THSD7A: variants seen among roughly 807,000 people sequenced by gnomAD.
THSD7A encodes the protein thrombospondin type-1 domain-containing protein 7A.
In THSD7A, 96 loss-of-function variants were observed where a neutral mutation model predicts 231.3. That is an observed-to-expected ratio of 0.41 (90% CI 0.35 to 0.49). The LOEUF (loss-of-function observed/expected upper bound fraction) is 0.49. THSD7A is among the 20% of genes least tolerant of loss of function. The pLI, the probability that THSD7A is intolerant of heterozygous loss-of-function variation, is 0.05. For missense variants in THSD7A, 2,290 were observed against 2,070.2 expected (o/e 1.11, Z -2.06); for synonymous variants, 940 against 743.3 (o/e 1.26, Z -4.30).
rs188407996 is a variant in THSD7A, at chr7:11,822,661, C to T, written c.190+9096G>A. ...TAGAGGTTGTAATAATTTACATTCCCACCAATCATGTAGTGGATATTGAGC... is the reference window on the plus strand; with the variant it reads ...TAGAGGTTGTAATAATTTACATTCCTACCAATCATGTAGTGGATATTGAGC... On this transcript the variant is annotated intron_variant, in intron 1 of 27. Coordinates refer to ENST00000423059, the MANE Select transcript of THSD7A (RefSeq NM_015204.3). 4.1e-3 allele frequency among the ~76,000 whole-genome samples: 622 copies of T among 152,074 alleles called. 3 individuals carry two copies. The highest frequency in any genetic ancestry group is 0.014 in the African/African-American group (589 of 41,498).
intron 2 of THSD7A, among the ~76,000 whole-genome samples, chr7:11,626,081 T>C (rs1205772093): frequency 6.6e-6 from 1 of 152,138 alleles, no homozygotes; most frequent in African/African-American, 2.4e-5. Flanking sequence ...GATTAGGCAG[T>C]GACATATATT....
At chr7:11,448,774 C>G (rs1191551688) in intron 11 of THSD7A, among the ~76,000 whole-genome samples, 1 of 152,060 alleles carries the variant, frequency 6.6e-6, no homozygotes, top group East Asian at 1.9e-4. Context: ...ACATAAAAGG[C>G]CCTTCTAAAT....
At chr7:11,714,109 A>T (rs1781054464) in intron 1 of THSD7A, among the ~76,000 whole-genome samples, 1 of 151,262 alleles carries the variant, frequency 6.6e-6, no homozygotes, top group Non-Finnish European at 1.5e-5. Flanking sequence ...AAATGTTTGC[A>T]GGAAAACGAT....
chr7:11,397,055 G>C (rs547805824), intron 23 of THSD7A, among the ~76,000 whole-genome samples: 2 of 152,314 alleles, frequency 1.3e-5, no homozygotes, highest in East Asian at 3.9e-4. Context: ...AATAGATGCA[G>C]AAGAGGCCTT....
intron 11 of THSD7A, among the ~76,000 whole-genome samples, chr7:11,455,127 C>G (rs1410240490): frequency 1.3e-5 from 2 of 151,978 alleles, no homozygotes; most frequent in African/African-American, 4.8e-5. Context: ...CTTGCTTTCT[C>G]TCTCTGCCTT....
chr7:11,623,882 T>A (rs967941157), intron 2 of THSD7A, among the ~76,000 whole-genome samples: 42 of 152,186 alleles, frequency 2.8e-4, no homozygotes, highest in African/African-American at 9.9e-4. Flanking sequence ...CTTTCGTCTA[T>A]TGAGGACGTG....
rs762168040 is a variant in THSD7A, at chr7:11,636,257, G to A, written c.895C>T (p.Leu299Phe). ...KGVKDPEARE[L>F]IKKKRNRNRQ... ...TTTCTGTTTCTCTTTTTCTTAATAA[G>A]CTCGCGGGCTTCTGGATCCTTTACT... The change falls in exon 2 of 28, where the codon CTT becomes TTT. Residue 299 changes from leucine (L) to phenylalanine (F), a missense_variant. Transcript: ENST00000423059. The surrounding 1 kb of genome is among the most constrained non-coding windows in gnomAD (Gnocchi z 10.0). The A allele has an allele frequency of 6.2e-7, 1 of 1,613,876 alleles. No homozygotes were observed. The highest frequency in any genetic ancestry group is 1.7e-5 in the Admixed American group (1 of 60,020).
Position 11,466,250 on chromosome 7 carries a change from A to G in THSD7A, c.2368+3629T>C, listed in dbSNP as rs189177263. Among the ~76,000 whole-genome samples the G allele has an allele frequency of 2.0e-5, 3 of 152,284 alleles. No individual in the cohort carries two copies. In the East Asian group the frequency reaches 5.8e-4, roughly 29 times the overall value. On this transcript the variant is annotated intron_variant, in intron 9 of 27. Transcript: ENST00000423059. Reference sequence around the variant, plus strand: ...AACTTTGAATTAATTTTCTGTTGCTATTACCTCTCTTTGAACATTCAACTT... The same window carrying G: ...AACTTTGAATTAATTTTCTGTTGCTGTTACCTCTCTTTGAACATTCAACTT...
At chr7:11,419,047 A>G (rs1784053557) in intron 16 of THSD7A, among the ~76,000 whole-genome samples, 1 of 152,176 alleles carries the variant, frequency 6.6e-6, no homozygotes, top group Non-Finnish European at 1.5e-5. Flanking sequence ...AGTGCTCAAA[A>G]GTTGCATTTG....
At chr7:11,454,875 AT>A (rs575121096) in intron 11 of THSD7A, among the ~76,000 whole-genome samples, 152 of 152,092 alleles carry the variant, frequency 1.0e-3, no homozygotes, top group African/African-American at 3.5e-3. Flanking sequence ...AAAGAGCATA[AT>A]ATTAACAAAC....
chr7:11,778,683 A>T (rs1783525410), intron 1 of THSD7A, among the ~76,000 whole-genome samples: 1 of 152,166 alleles, frequency 6.6e-6, no homozygotes, highest in Non-Finnish European at 1.5e-5. Flanking sequence ...TCAACTTAGG[A>T]CAATTAAAAG....
At chr7:11,414,359 A>T (rs923118069) in intron 17 of THSD7A, among the ~76,000 whole-genome samples, 1 of 152,258 alleles carries the variant, frequency 6.6e-6, no homozygotes, top group Non-Finnish European at 1.5e-5. Context: ...GAGGGGGCAT[A>T]AAGCTCAATT....
chr7:11,532,242 C>A (rs1403678004), intron 6 of THSD7A, among the ~76,000 whole-genome samples: 1 of 152,044 alleles, frequency 6.6e-6, no homozygotes, highest in Non-Finnish European at 1.5e-5. Flanking sequence ...ATCAGTGAGA[C>A]CAGGCAAAGC....
intron 1 of THSD7A, among the ~76,000 whole-genome samples, chr7:11,711,140 A>G (rs2128148764): frequency 6.6e-6 from 1 of 151,068 alleles, no homozygotes; most frequent in Non-Finnish European, 1.5e-5. Context: ...TTGAAGTAAT[A>G]TAAATTAATC....
In THSD7A at chr7:11,516,394, G is replaced by A. The variant is rs755477715; in HGVS notation, c.1822+25025C>T. 8.8e-4 allele frequency among the ~76,000 whole-genome samples: 134 copies of A among 152,252 alleles called. 2 individuals carry two copies. In the Middle Eastern group the frequency reaches 0.01, roughly 12 times the overall value. ...AATGATTTGGTGAGAACTCATTCACGATTCTAGATGACCTACTACTGATCA... is the reference window on the plus strand; with the variant it reads ...AATGATTTGGTGAGAACTCATTCACAATTCTAGATGACCTACTACTGATCA... On this transcript the variant is annotated intron_variant, in intron 6 of 27. Transcript: ENST00000423059.
At chr7:11,583,997 A>G (rs1226748263) in intron 4 of THSD7A, among the ~76,000 whole-genome samples, 1 of 152,188 alleles carries the variant, frequency 6.6e-6, no homozygotes, top group Non-Finnish European at 1.5e-5. Flanking sequence ...GAGTTTCTCT[A>G]CTTACTTGAT....
Position 11,478,667 on chromosome 7 carries a change from C to T in THSD7A, c.2017+3121G>A, listed in dbSNP as rs140152406. On this transcript the variant is annotated intron_variant, in intron 7 of 27. Transcript: ENST00000423059. The stretch of plus-strand genomic sequence containing the variant: ...AGTGCAGTATGAGGAAGAGAAAGTG[C>T]CATTCTATCATTCTGTCATTCATTT... Among the ~76,000 whole-genome samples the T allele has an allele frequency of 1.4e-3, 220 of 152,208 alleles. 1 individual carries two copies. Among genetic ancestry groups the T allele is most frequent in the African/African-American group, 5.1e-3 (210 of 41,538 alleles).
At chr7:11,447,083 T>C in intron 12 of THSD7A, 147 bp downstream of exon 12, 1 of 780,148 alleles carries the variant, frequency 1.3e-6, no homozygotes, top group South Asian at 1.9e-5. Context: ...CATAATGCTT[T>C]TATCACTGCC....
At chr7:11,816,735 G>GA (rs34166375) in intron 1 of THSD7A, among the ~76,000 whole-genome samples, 63,357 of 151,904 alleles carry the variant, frequency 0.42, 13,499 homozygotes, top group South Asian at 0.49. Flanking sequence ...ATATTTTAGT[G>GA]AAAAAAGTGT....
Sources: gnomAD v4.1 joint callset for allele counts (sites outside exome capture counted in the v4.1 genomes callset) on GRCh38, gnomAD v4.1.1 for gene constraint, Gnocchi (gnomAD v3.1) non-coding constraint, MANE v1.5 for transcripts, NCBI Gene and HGNC (gene_info 2026-07-23, HGNC 2026-07-21) for gene names.